Variants in EYA2 observed in about 807,000 individuals in gnomAD.
EYA2 encodes the protein EYA transcriptional coactivator and phosphatase 2, also known as protein phosphatase EYA2.
In EYA2, 31 loss-of-function variants were observed where a neutral mutation model predicts 69.2. The ratio of observed to expected loss-of-function variants is 0.45; its 90% CI spans 0.34 to 0.60. EYA2 has a LOEUF of 0.60. Ranked by LOEUF, EYA2 falls within the 20% of genes least tolerant of loss-of-function variation. The pLI is 0.02. For synonymous variants in EYA2, 257 were observed against 279.4 expected, an observed-to-expected ratio of 0.92 and a Z score of 0.80; for missense variants, 622 against 701.2, an observed-to-expected ratio of 0.89 and a Z score of 1.28.
intron 5 of EYA2, among the ~76,000 whole-genome samples, chr20:47,018,684 T>C (rs1983561194): frequency 6.6e-6 from 1 of 152,206 alleles, no homozygotes; most frequent in Admixed American, 6.5e-5. Flanking sequence ...CAGAGGAGCC[T>C]CATCCTATCC....
chr20:46,996,238 T>C (rs979389408), intron 2 of EYA2, among the ~76,000 whole-genome samples: 13 of 152,232 alleles, frequency 8.5e-5, no homozygotes, highest in Non-Finnish European at 1.8e-4. Context: ...AAGCTTTAAT[T>C]TCCTCTCTTA....
chr20:47,030,789 G>T (rs1254980975), intron 5 of EYA2, among the ~76,000 whole-genome samples: 1 of 152,104 alleles, frequency 6.6e-6, no homozygotes, highest in Non-Finnish European at 1.5e-5. Flanking sequence ...ACAGGGTCTT[G>T]CTCTATAGCC....
At chr20:47,133,006 C>A (rs966285049) in intron 9 of EYA2, among the ~76,000 whole-genome samples, 2 of 152,162 alleles carry the variant, frequency 1.3e-5, no homozygotes, top group African/African-American at 4.8e-5. Context: ...GGAATTGGCA[C>A]GTTGCATGCT....
chr20:47,055,655 C>T (rs1286844600), intron 5 of EYA2, among the ~76,000 whole-genome samples: 1 of 152,200 alleles, frequency 6.6e-6, no homozygotes, highest in Non-Finnish European at 1.5e-5. Context: ...GGTCTTTGCA[C>T]TTTGCTCTTT....
chr20:46,917,642 T>C (rs1356061806), intron 1 of EYA2, among the ~76,000 whole-genome samples: 1 of 152,244 alleles, frequency 6.6e-6, no homozygotes. Flanking sequence ...CGTGAATTTT[T>C]TGGTTTCCCA....
chr20:47,171,088 G>T (rs1463135700), intron 11 of EYA2, among the ~76,000 whole-genome samples: 3 of 152,222 alleles, frequency 2.0e-5, no homozygotes, highest in Non-Finnish European at 4.4e-5. Context: ...ATAAACCCCA[G>T]ATCAAGGTTA....
chr20:46,971,850 A>G (rs911300623), intron 1 of EYA2, among the ~76,000 whole-genome samples: 4 of 152,234 alleles, frequency 2.6e-5, no homozygotes, highest in Non-Finnish European at 4.4e-5. Flanking sequence ...TCATTTTTCA[A>G]TATTCATTTC....
At chr20:46,986,605 C>T (rs1036866958) in intron 1 of EYA2, among the ~76,000 whole-genome samples, 3 of 151,920 alleles carry the variant, frequency 2.0e-5, no homozygotes, top group Admixed American at 6.6e-5. Flanking sequence ...ATTTGGCTCA[C>T]GGTTCTGCAG....
intron 1 of EYA2, among the ~76,000 whole-genome samples, chr20:46,947,003 T>C (rs1978498044): frequency 6.6e-6 from 1 of 152,198 alleles, no homozygotes. Context: ...ACCCATTCAT[T>C]CTGTGTTATC....
chr20:47,134,399 A>T (rs541721044), intron 9 of EYA2, among the ~76,000 whole-genome samples: 6 of 152,244 alleles, frequency 3.9e-5, no homozygotes, highest in Non-Finnish European at 8.8e-5. Flanking sequence ...GCTACACAGT[A>T]ATAATAGTAA....
intron 1 of EYA2, among the ~76,000 whole-genome samples, chr20:46,960,130 G>A (rs1254599831): frequency 2.0e-5 from 3 of 152,142 alleles, no homozygotes; most frequent in Non-Finnish European, 4.4e-5. Context: ...TCCATTATTC[G>A]AAGGAATCAT....
chr20:46,990,257 GC>G (rs1348965690), intron 2 of EYA2, 138 bp downstream of exon 2: 2 of 509,406 alleles, frequency 3.9e-6, no homozygotes, highest in Non-Finnish European at 7.4e-6. Flanking sequence ...TTAAATGCTT[GC>G]CTCTGAACCA....
chr20:46,946,405 G>A (rs1312350671), intron 1 of EYA2, among the ~76,000 whole-genome samples: 1 of 152,182 alleles, frequency 6.6e-6, no homozygotes, highest in Non-Finnish European at 1.5e-5. Flanking sequence ...GCAGGGCCAA[G>A]GGTTACTTTG....
intron 9 of EYA2, among the ~76,000 whole-genome samples, chr20:47,122,790 A>G (rs2033087212): frequency 6.6e-6 from 1 of 152,140 alleles, no homozygotes; most frequent in South Asian, 2.1e-4. Flanking sequence ...AGTCACACCC[A>G]TTCGTTTACA....
At chr20:47,043,475 T>A (rs2029887811) in intron 5 of EYA2, among the ~76,000 whole-genome samples, 1 of 152,180 alleles carries the variant, frequency 6.6e-6, no homozygotes, top group Admixed American at 6.5e-5. Flanking sequence ...CCCGTGGTCA[T>A]GGGTGCAGGC....
intron 5 of EYA2, among the ~76,000 whole-genome samples, chr20:47,057,139 G>GAGGAA (rs2030663486): frequency 7.7e-6 from 1 of 129,090 alleles, no homozygotes; most frequent in Admixed American, 8.1e-5. Context: ...AGGAAGGAGG[G>GAGGAA]AGGAAGGAAG....
chr20:47,084,456 G>T (rs909889378), intron 7 of EYA2, among the ~76,000 whole-genome samples: 1 of 152,254 alleles, frequency 6.6e-6, no homozygotes, highest in East Asian at 1.9e-4. Context: ...CAGGAGGATC[G>T]TGTGAGCCCG....
chr20:47,118,051 A>G (rs890218948), intron 9 of EYA2, among the ~76,000 whole-genome samples: 2 of 152,258 alleles, frequency 1.3e-5, no homozygotes, highest in African/African-American at 4.8e-5. Flanking sequence ...ACGGAGAGGA[A>G]GCCCTGCCCA....
intron 7 of EYA2, among the ~76,000 whole-genome samples, chr20:47,086,283 C>T (rs541569361): frequency 1.7e-3 from 255 of 152,232 alleles, no homozygotes; most frequent in African/African-American, 5.9e-3. Context: ...GTCAGGAGTT[C>T]GAGACCAGCC....
Sources: gnomAD v4.1 joint callset for allele counts (sites outside exome capture counted in the v4.1 genomes callset) on GRCh38, gnomAD v4.1.1 for gene constraint, MANE v1.5 for transcripts, NCBI Gene and HGNC (gene_info 2026-07-23, HGNC 2026-07-21) for gene names.